Variants in DLG5 observed in about 807,000 individuals in gnomAD.
DLG5 encodes the protein disks large homolog 5.
A neutral mutation model predicts 189.8 loss-of-function variants in DLG5; 48 were observed. That is an observed-to-expected ratio of 0.25 (90% CI 0.20 to 0.32). DLG5 has a LOEUF of 0.32. DLG5 is among the 10% of genes least tolerant of loss of function. The pLI is 1.00. For synonymous variants in DLG5, 1,016 were observed against 1,054.1 expected, an observed-to-expected ratio of 0.96 and a Z score of 0.70; for missense variants, 2,160 against 2,544.7, an observed-to-expected ratio of 0.85 and a Z score of 3.25.
Position 77,806,906 on chromosome 10 carries a change from C to A in DLG5, c.4819G>T (p.Asp1607Tyr). The A allele has an allele frequency of 6.2e-7, 1 of 1,613,758 alleles. No individual in the cohort carries two copies. Among genetic ancestry groups the A allele is most frequent in the Non-Finnish European group, 8.5e-7 (1 of 1,179,622 alleles). ...TTAAAGCTCAACTCTTGCTCCACAT[C>A]TGCCAGCCGGTCGTACAGGGCCCTG... is the stretch of plus-strand genomic sequence containing the variant. Reference protein sequence around the residue: ...YIRALYDRLADVEQELSFKKD... With the variant: ...YIRALYDRLAYVEQELSFKKD... The change falls in exon 26 of 32, where the codon GAT (aspartate) becomes TAT (tyrosine). Residue 1607 changes from aspartate (D) to tyrosine (Y), a missense_variant. Asp to Tyr is a radical substitution (Grantham distance 160). Coordinates refer to ENST00000372391, the MANE Select transcript of DLG5 (RefSeq NM_004747.4).
At chr10:77,881,456 G>C (rs1032377047) in intron 1 of DLG5, among the ~76,000 whole-genome samples, 5 of 152,152 alleles carry the variant, frequency 3.3e-5, no homozygotes, top group African/African-American at 1.2e-4. Flanking sequence ...TGAGAAAGAA[G>C]GGTTCCAGTC....
chr10:77,817,724 G>A (rs1421409021), intron 18 of DLG5, 53 bp downstream of exon 18: 4 of 1,466,626 alleles, frequency 2.7e-6, no homozygotes, highest in Non-Finnish European at 3.7e-6. Context: ...GATGCAGGCA[G>A]AGATGAAAAG....
intron 2 of DLG5, chr10:77,867,904 C>T (rs777326483): frequency 6.6e-6 from 3 of 456,446 alleles, no homozygotes; most frequent in Non-Finnish European, 1.3e-5. Context: ...GCCAATCTGA[C>T]CAGTGTCCTT....
chr10:77,817,660 CCAGGAGGTGA>C, intron 18 of DLG5, 107 bp downstream of exon 18: 1 of 846,648 alleles, frequency 1.2e-6, no homozygotes, highest in Non-Finnish European at 1.9e-6. Context: ...GAGCTCAGTC[CCAGGAGGTGA>C]CAGGAGCTCG....
At chr10:77,797,894 GA>G (rs1188957129) in intron 27 of DLG5, among the ~76,000 whole-genome samples, 1 of 152,096 alleles carries the variant, frequency 6.6e-6, no homozygotes, top group Non-Finnish European at 1.5e-5. Flanking sequence ...GTGTTTTTTA[GA>G]AGTGATCACT....
the DLG5 span, among the ~76,000 whole-genome samples, chr10:77,940,249 C>G: frequency 1.3e-5 from 2 of 152,164 alleles, no homozygotes; most frequent in African/African-American, 4.8e-5. Flanking sequence ...CCAAAGCCTC[C>G]CCTTTTCCCA....
Position 77,792,278 on chromosome 10 carries a change from G to T in DLG5, c.*162C>A. ...GCCTGGGCCTGGATCGCACGCAGCC[G>T]TGGCCCTCTGTCTACAAAGGAGGTG... On this transcript the variant is annotated 3_prime_UTR_variant, in exon 32 of 32. Coordinates refer to ENST00000372391, the MANE Select transcript of DLG5 (RefSeq NM_004747.4). 1 of 689,208 alleles carries T rather than the reference G, an allele frequency of 1.5e-6. No homozygotes were observed. Among genetic ancestry groups the T allele is most frequent in the Admixed American group, 2.4e-5 (1 of 41,810 alleles). The allele number at this position is 689,208 out of a possible 1,614,324, so 42.7% of individuals were successfully genotyped here. A position where few individuals can be genotyped will look rare whatever the true frequency, so the allele number is the denominator to read the frequency against.
intron 29 of DLG5, among the ~76,000 whole-genome samples, chr10:77,795,570 T>C (rs971815271): frequency 1.3e-5 from 2 of 151,082 alleles, no homozygotes; most frequent in African/African-American, 2.4e-5. Flanking sequence ...GGACTCCGAG[T>C]GTTTGCCCCA....
chr10:77,835,996 G>A (rs1452008969), intron 7 of DLG5, 74 bp from the exon 8 acceptor site: 41 of 1,495,144 alleles, frequency 2.7e-5, no homozygotes, highest in Middle Eastern at 3.5e-4. Context: ...CCACCAGTGC[G>A]GGGGCCAAGG....
chr10:77,876,683 GAGGAAGGA>G (rs1425780887), intron 1 of DLG5, among the ~76,000 whole-genome samples: 5 of 97,348 alleles, frequency 5.1e-5, no homozygotes, highest in Non-Finnish European at 1.0e-4. Flanking sequence ...TTTTTTCTAA[GAGGAAGGA>G]AGGAAGGAAG....
chr10:77,808,115 TC>T, intron 24 of DLG5, 171 bp from the exon 25 acceptor site: 1 of 823,518 alleles, frequency 1.2e-6, no homozygotes, highest in Non-Finnish European at 1.9e-6. Context: ...CTCCCCAGTC[TC>T]CAGGTCCTGT....
intron 13 of DLG5, among the ~76,000 whole-genome samples, chr10:77,825,943 C>T (rs2154575787): frequency 6.6e-6 from 1 of 152,290 alleles, no homozygotes; most frequent in South Asian, 2.1e-4. Flanking sequence ...AACATATCCA[C>T]ATTTAAAAAA....
intron 22 of DLG5, 78 bp from the exon 23 acceptor site, chr10:77,811,312 C>G (rs1841760887): frequency 6.5e-7 from 1 of 1,536,538 alleles, no homozygotes; most frequent in African/African-American, 1.4e-5. Flanking sequence ...GCAACTAGAT[C>G]TGAGCTATAA....
chr10:77,916,104 C>T (rs941656110), intron 1 of DLG5, among the ~76,000 whole-genome samples: 4 of 151,972 alleles, frequency 2.6e-5, no homozygotes, highest in African/African-American at 9.7e-5. Flanking sequence ...CCTGTAGTAC[C>T]AACTACTCAG....
intron 5 of DLG5, among the ~76,000 whole-genome samples, chr10:77,850,728 G>A (rs1459550299): frequency 6.6e-6 from 1 of 152,168 alleles, no homozygotes; most frequent in African/African-American, 2.4e-5. Context: ...TATCATTAAC[G>A]ACCACAACAC....
Position 77,805,896 on chromosome 10 carries a change from C to T in DLG5, c.4968-35G>A, listed in dbSNP as rs768409732. The stretch of plus-strand genomic sequence containing the variant: ...AGGGGACAATGCTGGGCAGGGCCAT[C>T]GAGACCCTGCTGCCCTGCCCTTCCT... On this transcript the variant is annotated intron_variant, in intron 26 of 31. Coordinates refer to ENST00000372391, the MANE Select transcript of DLG5 (RefSeq NM_004747.4). The T allele has an allele frequency of 1.2e-5, 19 of 1,576,880 alleles. No individual in the cohort carries two copies. In the South Asian group the frequency reaches 1.5e-4, roughly 12 times the overall value.
intron 8 of DLG5, 71 bp downstream of exon 8, chr10:77,835,667 C>T: frequency 6.8e-7 from 1 of 1,477,938 alleles, no homozygotes; most frequent in South Asian, 1.3e-5. Flanking sequence ...TCCGACCCTC[C>T]CAACAGACCC....
At chr10:77,824,778 G>A (rs377435694) in intron 13 of DLG5, 16 of 318,222 alleles carry the variant, frequency 5.0e-5, no homozygotes, top group East Asian at 1.8e-4. Flanking sequence ...GCCATGTGGC[G>A]TGGGACCTTG....
Position 77,816,658 on chromosome 10 carries a change from G to C in DLG5, c.3918C>G (p.Pro1306=), listed in dbSNP as rs753479844. Residue 1306 remains proline, a synonymous_variant, in exon 20 of 32, where the codon CCC becomes CCG. Coordinates refer to ENST00000372391, the MANE Select transcript of DLG5 (RefSeq NM_004747.4). ...HSECSTPPQS[P]LNIDTLSSCS... ...AAGAGGACAGGGTGTCGATGTTCAG[G>C]GGTGACTGTGGAGGAGTGCTGCATT... is the stretch of plus-strand genomic sequence containing the variant. The C allele has an allele frequency of 1.2e-6, 2 of 1,613,898 alleles. No homozygotes were observed. The highest frequency in any genetic ancestry group is 1.7e-6 in the Non-Finnish European group (2 of 1,179,896).
Sources: gnomAD v4.1 joint callset for allele counts (sites outside exome capture counted in the v4.1 genomes callset) on GRCh38, gnomAD v4.1.1 for gene constraint, MANE v1.5 for transcripts, NCBI Gene and HGNC (gene_info 2026-07-23, HGNC 2026-07-21) for gene names.